Variants in CLTCL1 observed in about 807,000 individuals in gnomAD.
CLTCL1 encodes the protein clathrin heavy chain like 1.
CLTCL1 carries 159 observed loss-of-function variants against 190.0 expected under a neutral mutation model. The ratio of observed to expected loss-of-function variants is 0.84; its 90% CI spans 0.74 to 0.95. The LOEUF (loss-of-function observed/expected upper bound fraction) is 0.95, where lower values mean the gene tolerates loss of function less well. Ranked by LOEUF, CLTCL1 falls within the 40% of genes least tolerant of loss-of-function variation. The pLI is 0.00. For synonymous variants in CLTCL1, 752 were observed against 769.6 expected (o/e 0.98, Z 0.38); for missense variants, 1,878 against 2,033.4 (o/e 0.92, Z 1.47).
intron 24 of CLTCL1, among the ~76,000 whole-genome samples, chr22:19,196,864 A>G (rs545368583): frequency 1.3e-5 from 2 of 152,260 alleles, no homozygotes; most frequent in Non-Finnish European, 2.9e-5. Flanking sequence ...TACCAGTGGC[A>G]CACTGCACTA....
chr22:19,243,970 T>G (rs974611402), intron 3 of CLTCL1, among the ~76,000 whole-genome samples: 1 of 152,204 alleles, frequency 6.6e-6, no homozygotes, highest in African/African-American at 2.4e-5. Flanking sequence ...ATGCTGGGAT[T>G]ACAGGCTTGA....
At chr22:19,286,452 A>G (rs2087910065) in intron 1 of CLTCL1, among the ~76,000 whole-genome samples, 1 of 152,192 alleles carries the variant, frequency 6.6e-6, no homozygotes. Flanking sequence ...CATGGGATGC[A>G]ATAATTTTAG....
At chr22:19,245,970 G>A (rs2086405236) in intron 3 of CLTCL1, among the ~76,000 whole-genome samples, 1 of 152,196 alleles carries the variant, frequency 6.6e-6, no homozygotes, top group South Asian at 2.1e-4. Flanking sequence ...ACGAATATCT[G>A]TGTAAAAGTT....
At chr22:19,288,854 A>G (rs1344019966) in intron 1 of CLTCL1, among the ~76,000 whole-genome samples, 1 of 152,236 alleles carries the variant, frequency 6.6e-6, no homozygotes, top group African/African-American at 2.4e-5. Context: ...GAGGAAGGAG[A>G]AACCCTGGGA....
Position 19,196,268 on chromosome 22 carries a change from T to C in CLTCL1, c.4189A>G (p.Lys1397Glu), listed in dbSNP as rs376919709. ...CAGCGCTCTGTATCCCCTCTTACCT[T>C]GGTAATGATGTCCTTGAACTGACCC... ...KEGQFKDIITKVANVELCYRA... is the reference protein window; with the variant it reads ...KEGQFKDIITEVANVELCYRA... Residue 1397 changes from lysine (K) to glutamate (E), a missense_variant and splice_region_variant, in exon 26 of 33, where the codon AAG becomes GAG. By Grantham distance (56) the Lys-to-Glu change is moderately conservative. Coordinates refer to ENST00000427926, the MANE Select transcript of CLTCL1 (RefSeq NM_007098.4). 8 of 1,612,846 alleles carry C rather than the reference T, an allele frequency of 5.0e-6. No homozygotes were observed. Among genetic ancestry groups the C allele is most frequent in the Non-Finnish European group, 6.8e-6 (8 of 1,179,800 alleles).
rs7284279 is a variant in CLTCL1, at chr22:19,225,445, T to C, written c.2128+8A>G. 1.2e-3 allele frequency: 1,927 copies of C among 1,569,006 alleles called. 15 individuals are homozygous for C. In the African/African-American group the frequency reaches 0.019, roughly 15 times the overall value. On this transcript the variant is annotated splice_region_variant and intron_variant, in intron 13 of 32. Transcript: ENST00000427926. Reference sequence around the variant, plus strand: ...ATGGTGGGGTCGGCGAGAGGCTGCATGGTTTACCTTTGTAACTCTTGAAGG... The same window carrying C: ...ATGGTGGGGTCGGCGAGAGGCTGCACGGTTTACCTTTGTAACTCTTGAAGG...
At position 19,221,092 on chromosome 22, in the gene CLTCL1, A is replaced by C. The variant is rs145871304; in HGVS notation, c.2796+285T>G. Among the ~76,000 whole-genome samples, 327 of 152,302 alleles carry C rather than the reference A, an allele frequency of 2.1e-3. 1 individual carries two copies. Among genetic ancestry groups the C allele is most frequent in the African/African-American group, 7.4e-3 (306 of 41,576 alleles). On this transcript the variant is annotated intron_variant, in intron 17 of 32. Coordinates refer to ENST00000427926, the MANE Select transcript of CLTCL1 (RefSeq NM_007098.4). ...GTGGCAGTCCACAGAGGAGCTCACGAGTCAGGCCAAGGAGTTCAATTCTGC... is the reference window on the plus strand; with the variant it reads ...GTGGCAGTCCACAGAGGAGCTCACGCGTCAGGCCAAGGAGTTCAATTCTGC...
intron 27 of CLTCL1, 85 bp from the exon 28 acceptor site, chr22:19,188,176 CCAT>C: frequency 1.6e-6 from 2 of 1,219,666 alleles, no homozygotes; most frequent in Non-Finnish European, 2.4e-6. Flanking sequence ...CACGTGCGTG[CCAT>C]CCACTTGAAT....
intron 2 of CLTCL1, chr22:19,257,947 A>G: frequency 1.1e-6 from 1 of 914,098 alleles, no homozygotes; most frequent in Non-Finnish European, 1.6e-6. Flanking sequence ...AGATCTTTGC[A>G]AATTCTGTGG....
chr22:19,283,402 T>A (rs2087793028), intron 1 of CLTCL1, among the ~76,000 whole-genome samples: 1 of 152,088 alleles, frequency 6.6e-6, no homozygotes, highest in African/African-American at 2.4e-5. Context: ...TGCCTCAGCC[T>A]CCCAAGTAGC....
chr22:19,225,431 G>A (rs776461457), intron 13 of CLTCL1, 22 bp downstream of exon 13: 7 of 1,545,754 alleles, frequency 4.5e-6, no homozygotes, highest in East Asian at 2.4e-5. Flanking sequence ...TGGTGGGGTC[G>A]GCGAGAGGCT....
intron 26 of CLTCL1, among the ~76,000 whole-genome samples, chr22:19,192,236 T>C (rs1555932791): frequency 6.6e-6 from 1 of 152,006 alleles, no homozygotes; most frequent in Admixed American, 6.6e-5. Flanking sequence ...CGGCTAATTT[T>C]TTGTATTTTT....
chr22:19,216,768 T>C (rs528922760), intron 18 of CLTCL1, among the ~76,000 whole-genome samples: 3 of 152,194 alleles, frequency 2.0e-5, no homozygotes, highest in African/African-American at 2.4e-5. Flanking sequence ...CCTCCAATTA[T>C]AGGTGTCTCA....
intron 19 of CLTCL1, among the ~76,000 whole-genome samples, chr22:19,215,465 C>G (rs1390879878): frequency 6.6e-6 from 1 of 152,258 alleles, no homozygotes; most frequent in African/African-American, 2.4e-5. Context: ...AGCACGCACT[C>G]TTACCTCTAT....
intron 18 of CLTCL1, among the ~76,000 whole-genome samples, chr22:19,217,432 C>T (rs991358919): frequency 1.3e-5 from 2 of 151,796 alleles, no homozygotes; most frequent in Non-Finnish European, 2.9e-5. Flanking sequence ...CTGGCTAACA[C>T]GGTGAAACCC....
In CLTCL1 at chr22:19,233,524, G is replaced by A. The variant is rs370837409; in HGVS notation, c.1266C>T (p.Leu422=). The change falls in exon 8 of 33, where the codon CTC becomes CTT. Residue 422 remains leucine (L), a synonymous_variant. Coordinates refer to ENST00000427926, the MANE Select transcript of CLTCL1 (RefSeq NM_007098.4). ...SPLLQYFGIL[L]DQGQLNKLES... ...CAAGTTTATTGAGCTGACCCTGGTC[G>A]AGCAGGATTCCGAAGTACTGCAGCA... 1.2e-5 allele frequency: 20 copies of A among 1,613,988 alleles called. No homozygotes were observed. The African/African-American group carries it at 1.5e-4, about 12-fold the overall frequency.
Position 19,180,174 on chromosome 22 carries a change from G to A in CLTCL1, c.*20+25C>T, listed in dbSNP as rs782343668. ...AGAACCTGGCCTGGCTAGAGGATAA[G>A]CTAGTCTCCAAATGGGACACTTACT... On this transcript the variant is annotated intron_variant, in intron 32 of 32. Transcript: ENST00000427926. 1.0e-5 allele frequency: 16 copies of A among 1,607,934 alleles called. No homozygotes were observed. The South Asian group carries it at 1.3e-4, about 13-fold the overall frequency.
intron 17 of CLTCL1, among the ~76,000 whole-genome samples, chr22:19,220,981 C>T (rs1555951930): frequency 1.3e-5 from 2 of 152,068 alleles, no homozygotes; most frequent in East Asian, 1.9e-4. Flanking sequence ...CAAGGGTACT[C>T]GGGACATGAG....
intron 29 of CLTCL1, chr22:19,184,827 G>C: frequency 6.0e-6 from 2 of 333,754 alleles, no homozygotes; most frequent in Non-Finnish European, 1.2e-5. Context: ...CCCAGCTCGA[G>C]TCAGGCTCTC....
Sources: gnomAD v4.1 joint callset for allele counts (sites outside exome capture counted in the v4.1 genomes callset) on GRCh38, gnomAD v4.1.1 for gene constraint, MANE v1.5 for transcripts, NCBI Gene and HGNC (gene_info 2026-07-23, HGNC 2026-07-21) for gene names.